STIM1: variants seen among roughly 807,000 people sequenced by gnomAD.
STIM1 encodes stromal interaction molecule 1.
A neutral mutation model predicts 74.7 loss-of-function variants in STIM1; 25 were observed. The ratio of observed to expected loss-of-function variants is 0.33; its 90% CI spans 0.24 to 0.47. The LOEUF is 0.47. Ranked by LOEUF, STIM1 falls within the 20% of genes least tolerant of loss-of-function variation. The probability of loss-of-function intolerance (pLI) is 1.00; values close to 1 mark genes in which losing one functional copy is unlikely to be tolerated. For synonymous variants in STIM1, 328 were observed against 348.8 expected (o/e 0.94, Z 0.66); for missense variants, 728 against 920.8 (o/e 0.79, Z 2.71).
At chr11:4,019,610 C>A (rs140147953) in intron 2 of STIM1, among the ~76,000 whole-genome samples, 2 of 151,984 alleles carry the variant, frequency 1.3e-5, no homozygotes, top group Non-Finnish European at 2.9e-5. Context: ...GGTGACAGAG[C>A]GAGACACTGT....
chr11:4,088,780 G>C, intron 12 of STIM1: 3 of 1,529,822 alleles, frequency 2.0e-6, no homozygotes, highest in Non-Finnish European at 2.6e-6. Context: ...CCCAGCCTTT[G>C]GGGAGGGACC....
intron 11 of STIM1, 38 bp downstream of exon 11, chr11:4,084,803 C>G (rs1565171615): frequency 7.8e-7 from 1 of 1,283,298 alleles, no homozygotes; most frequent in South Asian, 1.2e-5. Context: ...GTTTTTCTGA[C>G]TTTCGGGACT....
At chr11:4,018,216 G>A (rs1188554884) in intron 2 of STIM1, among the ~76,000 whole-genome samples, 1 of 151,516 alleles carries the variant, frequency 6.6e-6, no homozygotes, top group Non-Finnish European at 1.5e-5. Flanking sequence ...TTGGGAGGCC[G>A]AGGCGGGTGG....
At chr11:3,941,655 T>TAC (rs1410913335) in intron 1 of STIM1, among the ~76,000 whole-genome samples, 34 of 89,008 alleles carry the variant, frequency 3.8e-4, no homozygotes, top group Non-Finnish European at 6.0e-4. Flanking sequence ...TGTGTATACA[T>TAC]ATATATATAT....
chr11:4,047,820 C>CTTTTTTT (rs551025610), intron 3 of STIM1, among the ~76,000 whole-genome samples: 1 of 133,078 alleles, frequency 7.5e-6, no homozygotes. Context: ...ACCTGTCTCT[C>CTTTTTTT]TTTTTTTTTT....
intron 1 of STIM1, among the ~76,000 whole-genome samples, chr11:3,896,212 GC>G (rs1565105926): frequency 3.3e-5 from 5 of 149,944 alleles, no homozygotes; most frequent in African/African-American, 1.2e-4. Context: ...CCGGAATAGT[GC>G]TCTCTCTCTA....
intron 1 of STIM1, among the ~76,000 whole-genome samples, chr11:3,916,450 ATT>A (rs113404071): frequency 0.051 from 6,387 of 125,972 alleles, 240 homozygotes; most frequent in East Asian, 0.18. Flanking sequence ...ACCACACCCA[ATT>A]TTTTTTTTTT....
intron 3 of STIM1, among the ~76,000 whole-genome samples, chr11:4,050,907 A>C (rs1205296265): frequency 1.3e-5 from 2 of 152,180 alleles, no homozygotes; most frequent in Non-Finnish European, 2.9e-5. Flanking sequence ...AAATATATTT[A>C]CTGTTTATTA....
intron 3 of STIM1, among the ~76,000 whole-genome samples, chr11:4,029,720 C>A (rs1415014177): frequency 6.6e-6 from 1 of 152,198 alleles, no homozygotes; most frequent in African/African-American, 2.4e-5. Context: ...GGATAGGCTC[C>A]AGCCACTCTC....
chr11:3,988,537 C>T (rs950156408), intron 2 of STIM1, among the ~76,000 whole-genome samples: 11 of 151,996 alleles, frequency 7.2e-5, no homozygotes, highest in African/African-American at 2.2e-4. Flanking sequence ...TATCAAGTAC[C>T]GGTATGTTCA....
chr11:4,005,311 T>A lies in STIM1; in HGVS notation c.271-18562T>A, dbSNP rs553470413. On this transcript the variant is annotated intron_variant, in intron 2 of 12. Transcript: ENST00000526596. ...ATGTTTATTGTGGCAGTATTCACAA[T>A]AGCAAAGACTTGGAACCAACCCAAA... is the stretch of plus-strand genomic sequence containing the variant. 4.7e-4 allele frequency among the ~76,000 whole-genome samples: 71 copies of A among 152,180 alleles called. 2 individuals carry two copies. The highest frequency in any genetic ancestry group is 1.6e-3 in the African/African-American group (68 of 41,526).
At chr11:4,035,976 C>T (rs1280153746) in intron 3 of STIM1, among the ~76,000 whole-genome samples, 1 of 151,780 alleles carries the variant, frequency 6.6e-6, no homozygotes. Context: ...AGGTGTTTAG[C>T]CCTGCAGCCA....
At chr11:3,894,821 C>T (rs2092007133) in intron 1 of STIM1, among the ~76,000 whole-genome samples, 2 of 152,116 alleles carry the variant, frequency 1.3e-5, no homozygotes, top group Non-Finnish European at 2.9e-5. Flanking sequence ...TCACTGCAAC[C>T]TCCGCCTTCC....
At chr11:3,947,317 G>A (rs1351145727) in intron 1 of STIM1, 1 of 152,074 alleles carries the variant, frequency 6.6e-6, no homozygotes, top group African/African-American at 2.4e-5. Context: ...TTCATAGCCT[G>A]GTACAGGGTA....
At chr11:3,893,721 A>G (rs113452386) in intron 1 of STIM1, among the ~76,000 whole-genome samples, 4,425 of 151,990 alleles carry the variant, frequency 0.029, 202 homozygotes, top group African/African-American at 0.097. Flanking sequence ...CAGTGGCGCA[A>G]TCGCAGCTCA....
intron 1 of STIM1, 136 bp from the exon 2 acceptor site, chr11:3,967,414 CCT>C (rs1226202721): frequency 5.5e-6 from 7 of 1,270,940 alleles, no homozygotes; most frequent in Non-Finnish European, 8.0e-6. Context: ...AGATGAAACA[CCT>C]CTGTCACTGT....
chr11:3,985,979 T>G lies in STIM1; in HGVS notation c.270+18297T>G, dbSNP rs1295162021. ...ATTCTTGTGTTCTTCTCCTCACTTA[T>G]AAATACCTCCTTTGAAATCTTTCTT... On this transcript the variant is annotated intron_variant, in intron 2 of 12. Transcript: ENST00000526596. Among the ~76,000 whole-genome samples, 4 of 152,354 alleles carry G rather than the reference T, an allele frequency of 2.6e-5. No individual in the cohort carries two copies. In the East Asian group the frequency reaches 5.8e-4, roughly 22 times the overall value.
intron 2 of STIM1, among the ~76,000 whole-genome samples, chr11:3,968,917 G>T (rs1336478504): frequency 1.3e-5 from 2 of 152,106 alleles, no homozygotes; most frequent in African/African-American, 4.8e-5. Context: ...TTATTACTAG[G>T]GTATGGAGCC....
chr11:4,048,986 G>T (rs372600464), intron 3 of STIM1, among the ~76,000 whole-genome samples: 1 of 152,110 alleles, frequency 6.6e-6, no homozygotes, highest in Non-Finnish European at 1.5e-5. Flanking sequence ...TGCCCGCCTC[G>T]GCCTCCCAAA....
Sources: gnomAD v4.1 joint callset for allele counts (sites outside exome capture counted in the v4.1 genomes callset) on GRCh38, gnomAD v4.1.1 for gene constraint, MANE v1.5 for transcripts, NCBI Gene and HGNC (gene_info 2026-07-23, HGNC 2026-07-21) for gene names.